Variants in BNC2 observed in about 807,000 individuals in gnomAD.
BNC2 encodes zinc finger protein basonuclin-2.
A neutral mutation model predicts 76.3 loss-of-function variants in BNC2; 20 were observed. The ratio of observed to expected loss-of-function variants is 0.26; its 90% CI spans 0.18 to 0.38. The LOEUF (loss-of-function observed/expected upper bound fraction) is 0.38, where lower values mean the gene tolerates loss of function less well. Among genes scored for constraint, BNC2 ranks in the 10% least tolerant of loss-of-function variants. The probability of loss-of-function intolerance (pLI) is 1.00; values close to 1 mark genes in which losing one functional copy is unlikely to be tolerated. For missense variants in BNC2, 1,382 were observed against 1,399.8 expected (o/e 0.99, Z 0.20); for synonymous variants, 582 against 514.8 (o/e 1.13, Z -1.77).
At chr9:16,451,695 G>C (rs994034633) in intron 5 of BNC2, among the ~76,000 whole-genome samples, 2 of 152,064 alleles carry the variant, frequency 1.3e-5, no homozygotes, top group African/African-American at 4.8e-5. Flanking sequence ...TCCATGAAAT[G>C]TTTCCTCTCC....
intron 6 of BNC2, among the ~76,000 whole-genome samples, chr9:16,425,184 C>T (rs1365061965): frequency 6.6e-6 from 1 of 152,290 alleles, no homozygotes; most frequent in Middle Eastern, 3.4e-3. Flanking sequence ...AACAAATCAT[C>T]CATACTAGTC....
chr9:16,706,446 G>A (rs1823676039), intron 3 of BNC2, among the ~76,000 whole-genome samples: 1 of 152,198 alleles, frequency 6.6e-6, no homozygotes, highest in Admixed American at 6.5e-5. Context: ...GGCAGAAGGT[G>A]TTCCAGCTTT....
rs533615413 is a variant in BNC2 at position 16,416,393 on chromosome 9, G to C, written c.*2596C>G. The stretch of plus-strand genomic sequence containing the variant: ...AACAGCACAACACAGAGAACGCTGA[G>C]AGGACCAAAATGTTTGCAAACAAAC... On this transcript the variant is annotated 3_prime_UTR_variant, in exon 7 of 7. Transcript: ENST00000380672. 38 of 152,690 alleles carry C rather than the reference G, an allele frequency of 2.5e-4. No homozygotes were observed. Among genetic ancestry groups the C allele is most frequent in the Admixed American group, 2.2e-3 (34 of 15,288 alleles). 9.5% of individuals were successfully genotyped at this position (152,690 alleles called of 1,614,324 possible).
chr9:16,752,223 T>C (rs1691396005), intron 1 of BNC2, among the ~76,000 whole-genome samples: 1 of 152,226 alleles, frequency 6.6e-6, no homozygotes, highest in South Asian at 2.1e-4. Flanking sequence ...TGTTAAGTTA[T>C]GTTTTACCAG....
intron 3 of BNC2, among the ~76,000 whole-genome samples, chr9:16,649,080 C>G (rs922359993): frequency 3.3e-5 from 5 of 152,170 alleles, no homozygotes; most frequent in African/African-American, 1.2e-4. Flanking sequence ...TCATCCCATG[C>G]TTTGTACACT....
At chr9:16,597,765 A>C (rs1329722202) in intron 3 of BNC2, among the ~76,000 whole-genome samples, 2 of 152,102 alleles carry the variant, frequency 1.3e-5, no homozygotes, top group African/African-American at 2.4e-5. Flanking sequence ...GTACAAAATA[A>C]ATCTGCTCCT....
At chr9:16,629,191 C>A (rs1821088983) in intron 3 of BNC2, among the ~76,000 whole-genome samples, 2 of 152,154 alleles carry the variant, frequency 1.3e-5, no homozygotes, top group Admixed American at 1.3e-4. Context: ...TTTAGCCAAA[C>A]ACATTACTCT....
At position 16,436,035 on chromosome 9, in the gene BNC2, C is replaced by T. The variant is rs147575972; in HGVS notation, c.2159G>A (p.Arg720Gln). 9.6e-4 allele frequency: 1,557 copies of T among 1,614,058 alleles called. 1 individual carries two copies. Among genetic ancestry groups the T allele is most frequent in the Non-Finnish European group, 1.1e-3 (1,333 of 1,180,056 alleles). The change falls in exon 6 of 7, where the codon CGG becomes CAG. Residue 720 changes from arginine to glutamine, a missense_variant. Physicochemically the swap from Arg to Gln is conservative, Grantham distance 43. This residue lies in a region of BNC2 where 798 missense variants were observed against 775.5 expected (regional missense o/e 1.03). Coordinates refer to ENST00000380672, the MANE Select transcript of BNC2 (RefSeq NM_017637.6). The stretch of plus-strand genomic sequence containing the variant: ...AGACTCAGACTCGTTCTCATAGTCC[C>T]GCTCAGGTTCTTGGTCTTCAGAAGT... ...SMTSEDQEPE[R>Q]DYENESESSE...
chr9:16,462,200 T>C (rs1821598006), intron 5 of BNC2, among the ~76,000 whole-genome samples: 1 of 152,082 alleles, frequency 6.6e-6, no homozygotes, highest in Non-Finnish European at 1.5e-5. Context: ...TTTTTATAAC[T>C]CAAAACCATC....
At chr9:16,624,810 A>G (rs1820949224) in intron 3 of BNC2, among the ~76,000 whole-genome samples, 1 of 152,202 alleles carries the variant, frequency 6.6e-6, no homozygotes, top group African/African-American at 2.4e-5. Context: ...ACAAGTATTT[A>G]TTTAAAGAAT....
chr9:16,811,260 T>C (rs1344991397), intron 1 of BNC2, among the ~76,000 whole-genome samples: 4 of 88,686 alleles, frequency 4.5e-5, no homozygotes, highest in Non-Finnish European at 7.7e-5. Flanking sequence ...AAAACCACAG[T>C]GTATAGGGGG....
At chr9:16,842,167 T>C (rs1024213256) in intron 1 of BNC2, among the ~76,000 whole-genome samples, 2 of 152,172 alleles carry the variant, frequency 1.3e-5, no homozygotes, top group South Asian at 4.1e-4. Flanking sequence ...TTGCCTTATG[T>C]TATTTTAACA....
At chr9:16,679,229 C>G (rs1474392873) in intron 3 of BNC2, among the ~76,000 whole-genome samples, 3 of 152,166 alleles carry the variant, frequency 2.0e-5, no homozygotes, top group Non-Finnish European at 4.4e-5. Flanking sequence ...CCTACACATC[C>G]TCTCTACCTA....
intron 5 of BNC2, among the ~76,000 whole-genome samples, chr9:16,544,132 T>G (rs1363039753): frequency 6.6e-6 from 1 of 152,198 alleles, no homozygotes; most frequent in South Asian, 2.1e-4. Flanking sequence ...ATCTGAATAT[T>G]TTTGTAGTTT....
intron 6 of BNC2, among the ~76,000 whole-genome samples, chr9:16,426,726 T>C (rs535157522): frequency 2.0e-5 from 3 of 151,896 alleles, no homozygotes; most frequent in Non-Finnish European, 4.4e-5. Context: ...GCATGCATGC[T>C]ACTAAATGTT....
chr9:16,652,732 A>G (rs979157863), intron 3 of BNC2, among the ~76,000 whole-genome samples: 5 of 152,174 alleles, frequency 3.3e-5, no homozygotes, highest in African/African-American at 1.2e-4. Context: ...CCTCATGGAC[A>G]GCTCAATCTT....
chr9:16,740,193 A>C (rs1824800791), intron 1 of BNC2, among the ~76,000 whole-genome samples: 1 of 152,216 alleles, frequency 6.6e-6, no homozygotes, highest in Admixed American at 6.5e-5. Flanking sequence ...GAACAACAAG[A>C]CTTATATTTA....
At chr9:16,576,691 T>C (rs1003073298) in intron 4 of BNC2, among the ~76,000 whole-genome samples, 4 of 152,216 alleles carry the variant, frequency 2.6e-5, no homozygotes, top group African/African-American at 4.8e-5. Context: ...GTAAATAAAA[T>C]ACTGAGATCT....
intron 5 of BNC2, among the ~76,000 whole-genome samples, chr9:16,483,293 T>A (rs1216679022): frequency 6.6e-6 from 1 of 152,224 alleles, no homozygotes; most frequent in Admixed American, 6.5e-5. Flanking sequence ...CTGACCATAT[T>A]TCATTTCCTT....
Sources: allele counts gnomAD v4.1 joint callset (sites outside exome capture counted in the v4.1 genomes callset), GRCh38; gene constraint gnomAD v4.1.1; regional missense constraint gnomAD v4.1.1; transcripts MANE v1.5; gene names NCBI Gene and HGNC (gene_info 2026-07-23, HGNC 2026-07-21).